Variants in POU6F2 observed in about 807,000 individuals in gnomAD.
The protein encoded by POU6F2 is POU domain, class 6, transcription factor 2.
A neutral mutation model predicts 71.3 loss-of-function variants in POU6F2; 31 were observed. The ratio of observed to expected loss-of-function variants is 0.43; its 90% CI spans 0.33 to 0.59. POU6F2 has a LOEUF of 0.59. Ranked by LOEUF, POU6F2 falls within the 20% of genes least tolerant of loss-of-function variation. The pLI, the probability that POU6F2 is intolerant of heterozygous loss-of-function variation, is 0.04. For missense variants in POU6F2, 783 were observed against 856.8 expected (o/e 0.91, Z 1.07); for synonymous variants, 347 against 355.7 (o/e 0.98, Z 0.27).
In POU6F2 at chr7:39,034,970, G is replaced by GT. The variant is rs761964047; in HGVS notation, c.106-50889dup. On this transcript the variant is annotated intron_variant, in intron 1 of 9. Coordinates refer to ENST00000518318, the MANE Select transcript of POU6F2 (RefSeq NM_001370959.1). ...TATTTTAAAATATTTTCTATATTCT[G>GT]TCTGTTCATCCATCTATCCATCTTC... Among the ~76,000 whole-genome samples, 278 of 151,900 alleles carry GT rather than the reference G, an allele frequency of 1.8e-3. 2 individuals are homozygous for GT. The highest frequency in any genetic ancestry group is 2.7e-3 in the Non-Finnish European group (184 of 67,942).
chr7:39,315,115 C>T (rs1030557597), intron 4 of POU6F2, among the ~76,000 whole-genome samples: 17 of 152,174 alleles, frequency 1.1e-4, no homozygotes, highest in African/African-American at 4.1e-4. Flanking sequence ...GTTTGTGCTT[C>T]CCATTTGTTG....
intron 2 of POU6F2, among the ~76,000 whole-genome samples, chr7:39,150,200 C>T (rs1792724727): frequency 1.4e-5 from 2 of 145,706 alleles, no homozygotes; most frequent in Non-Finnish European, 1.5e-5. Flanking sequence ...CGCAAGATTT[C>T]CTTTTTTAAG....
chr7:39,457,935 T>A (rs1295728833), intron 8 of POU6F2, among the ~76,000 whole-genome samples: 1 of 152,082 alleles, frequency 6.6e-6, no homozygotes, highest in Non-Finnish European at 1.5e-5. Flanking sequence ...CAGCTATTAT[T>A]TTATTATCAC....
At chr7:39,292,055 G>A (rs1583501642) in intron 4 of POU6F2, among the ~76,000 whole-genome samples, 1 of 151,664 alleles carries the variant, frequency 6.6e-6, no homozygotes, top group Middle Eastern at 3.4e-3. Context: ...CTGAGAAGGA[G>A]AGGAGAGAGC....
chr7:39,298,141 A>C (rs1247801078), intron 4 of POU6F2, among the ~76,000 whole-genome samples: 1 of 152,244 alleles, frequency 6.6e-6, no homozygotes, highest in Admixed American at 6.5e-5. Flanking sequence ...AAGCAATTGC[A>C]ACAAAAGCCA....
chr7:39,364,514 A>G (rs201081184), intron 5 of POU6F2, among the ~76,000 whole-genome samples: 1 of 152,106 alleles, frequency 6.6e-6, no homozygotes, highest in Admixed American at 6.6e-5. Context: ...AGAACATACC[A>G]TGTTTGCTTT....
chr7:38,983,931 T>G (rs1788394227), intron 1 of POU6F2, among the ~76,000 whole-genome samples: 2 of 152,176 alleles, frequency 1.3e-5, no homozygotes, highest in African/African-American at 2.4e-5. Context: ...GAAAATAGCT[T>G]TTTGTTTTAT....
At chr7:39,064,259 G>A (rs1422578487) in intron 1 of POU6F2, among the ~76,000 whole-genome samples, 2 of 151,866 alleles carry the variant, frequency 1.3e-5, no homozygotes, top group South Asian at 2.1e-4. Flanking sequence ...GATGTGTGTT[G>A]GTGGTTGTAT....
At chr7:39,104,440 G>A (rs1317776451) in intron 2 of POU6F2, among the ~76,000 whole-genome samples, 1 of 152,202 alleles carries the variant, frequency 6.6e-6, no homozygotes, top group Non-Finnish European at 1.5e-5. Flanking sequence ...CCGGTGGCTG[G>A]AACCTTAGCT....
chr7:39,339,531 C>A, intron 4 of POU6F2, 111 bp from the exon 5 acceptor site: 3 of 1,396,912 alleles, frequency 2.1e-6, no homozygotes, highest in Non-Finnish European at 2.8e-6. Flanking sequence ...GGGGCAAGGA[C>A]AAGAATTTTC....
At chr7:39,028,548 C>G (rs2128708518) in intron 1 of POU6F2, among the ~76,000 whole-genome samples, 1 of 152,020 alleles carries the variant, frequency 6.6e-6, no homozygotes, top group African/African-American at 2.4e-5. Flanking sequence ...GTCCTTATAA[C>G]TTTTAAAAAT....
Position 39,465,050 on chromosome 7 carries a change from T to G in POU6F2, c.*364T>G. On this transcript the variant is annotated 3_prime_UTR_variant, in exon 10 of 10. Transcript: ENST00000518318. ...CTTTTTTCTGTATATTATGAAAATGTGAACACATTTTAAGGAAAAAGAAAA... is the reference window on the plus strand; with the variant it reads ...CTTTTTTCTGTATATTATGAAAATGGGAACACATTTTAAGGAAAAAGAAAA... 5.9e-6 allele frequency: 1 copy of G among 168,270 alleles called. No homozygotes were observed. The highest frequency in any genetic ancestry group is 1.2e-5 in the Non-Finnish European group (1 of 84,622). The allele number at this position is 168,270 out of a possible 1,614,324, so 10.4% of individuals were successfully genotyped here. A position where few individuals can be genotyped will look rare whatever the true frequency, so the allele number is the denominator to read the frequency against.
chr7:39,099,812 C>A (rs373805811), intron 2 of POU6F2, among the ~76,000 whole-genome samples: 2 of 152,176 alleles, frequency 1.3e-5, no homozygotes, highest in African/African-American at 4.8e-5. Flanking sequence ...TAGCCCAATG[C>A]GTATTTTTCC....
chr7:39,238,680 C>T (rs1794720270), intron 4 of POU6F2, among the ~76,000 whole-genome samples: 1 of 152,132 alleles, frequency 6.6e-6, no homozygotes, highest in Non-Finnish European at 1.5e-5. Context: ...CTGTTTATTG[C>T]TATTGTGACC....
At chr7:39,068,230 C>G (rs1790800425) in intron 1 of POU6F2, among the ~76,000 whole-genome samples, 1 of 151,978 alleles carries the variant, frequency 6.6e-6, no homozygotes, top group Non-Finnish European at 1.5e-5. Flanking sequence ...AATAAAATTA[C>G]AAGAAGTGAA....
chr7:39,363,656 T>C (rs189239283), intron 5 of POU6F2, among the ~76,000 whole-genome samples: 10 of 148,936 alleles, frequency 6.7e-5, no homozygotes, highest in Non-Finnish European at 1.3e-4. Flanking sequence ...CCTACGAGAT[T>C]AAGAAGAGGG....
intron 4 of POU6F2, among the ~76,000 whole-genome samples, chr7:39,258,119 T>C (rs1784061647): frequency 6.6e-6 from 1 of 152,188 alleles, no homozygotes; most frequent in Non-Finnish European, 1.5e-5. Flanking sequence ...TTCTTAGCTC[T>C]CATATCCTTG....
chr7:39,110,013 G>C (rs1791771392), intron 2 of POU6F2, among the ~76,000 whole-genome samples: 1 of 152,184 alleles, frequency 6.6e-6, no homozygotes, highest in Non-Finnish European at 1.5e-5. Flanking sequence ...GCTCACGCCT[G>C]TAATCCCAGC....
chr7:39,115,822 AAG>A (rs1159015866), intron 2 of POU6F2, among the ~76,000 whole-genome samples: 1 of 152,074 alleles, frequency 6.6e-6, no homozygotes, highest in African/African-American at 2.4e-5. Context: ...TTTTTTTTTA[AAG>A]ACATGCTCTG....
Sources: gnomAD v4.1 joint callset for allele counts (sites outside exome capture counted in the v4.1 genomes callset) on GRCh38, gnomAD v4.1.1 for gene constraint, MANE v1.5 for transcripts, NCBI Gene and HGNC (gene_info 2026-07-23, HGNC 2026-07-21) for gene names.